The following PRH1 variants were observed in gnomAD, a reference collection of about 807,000 sequenced individuals.
PRH1 encodes salivary acidic proline-rich phosphoprotein 1/2.
PRH1 carries 7 observed loss-of-function variants against 7.9 expected under a neutral mutation model. The ratio of observed to expected loss-of-function variants is 0.89; its 90% CI spans 0.50 to 1.67. PRH1 has a LOEUF of 1.67. Ranked by LOEUF, PRH1 falls within the 40% of genes most tolerant of loss-of-function variation. PRH1 has a pLI of 0.00. For synonymous variants in PRH1, 45 were observed against 80.8 expected (o/e 0.56, Z 2.38); for missense variants, 109 against 223.6 (o/e 0.49, Z 3.27).
chr12:11,129,983 C>T (rs1423394618), intron 1 of PRH1, among the ~76,000 whole-genome samples: 1 of 152,008 alleles, frequency 6.6e-6, no homozygotes, highest in Non-Finnish European at 1.5e-5. Flanking sequence ...ACATCCCAGC[C>T]CTACAAAAAA....
upstream of PRH1, among the ~76,000 whole-genome samples, chr12:10,885,133 G>A (rs1949471563): frequency 6.6e-6 from 1 of 152,042 alleles, no homozygotes; most frequent in African/African-American, 2.4e-5. Flanking sequence ...TATTGTAATT[G>A]TCATCACTGA....
At chr12:11,001,632 G>T (rs1360584841) in intron 1 of PRH1, among the ~76,000 whole-genome samples, 9 of 152,094 alleles carry the variant, frequency 5.9e-5, no homozygotes, top group Non-Finnish European at 4.4e-5. Context: ...CTGCCATCAG[G>T]TTAATGGAGC....
At chr12:10,927,131 C>T (rs1023073066) in intron 2 of PRH1, among the ~76,000 whole-genome samples, 1 of 152,180 alleles carries the variant, frequency 6.6e-6, no homozygotes, top group African/African-American at 2.4e-5. Context: ...ATGGAAGGGA[C>T]CTGAGCTGAG....
intron 1 of PRH1, among the ~76,000 whole-genome samples, chr12:10,980,298 TTCTA>T (rs1466279397): frequency 6.6e-6 from 1 of 152,148 alleles, no homozygotes; most frequent in Non-Finnish European, 1.5e-5. Context: ...TCAATCATAA[TTCTA>T]TCTATGTATT....
At chr12:11,049,217 C>G (rs933026662), upstream of PRH1, 3 of 1,205,980 alleles carry the variant, frequency 2.5e-6, no homozygotes, top group African/African-American at 4.7e-5. Flanking sequence ...AATGCAAACA[C>G]TACCAGAATT....
intron 1 of PRH1, among the ~76,000 whole-genome samples, chr12:11,080,522 T>A (rs1260909596): frequency 9.7e-6 from 1 of 103,170 alleles, no homozygotes; most frequent in Non-Finnish European, 2.3e-5. Flanking sequence ...AACGTTCACA[T>A]TCTCCTCACA....
At chr12:11,156,708 T>A (rs1342463527) in intron 1 of PRH1, among the ~76,000 whole-genome samples, 1 of 152,212 alleles carries the variant, frequency 6.6e-6, no homozygotes, top group Non-Finnish European at 1.5e-5. Context: ...TCTATTTCTG[T>A]AAGTTATTTC....
intron 1 of PRH1, among the ~76,000 whole-genome samples, chr12:11,074,692 G>T (rs1944227483): frequency 8.7e-6 from 1 of 114,566 alleles, no homozygotes; most frequent in Admixed American, 8.7e-5. Context: ...AAAAATGGGG[G>T]TATTGGTTAG....
intron 1 of PRH1, among the ~76,000 whole-genome samples, chr12:10,991,006 A>C (rs759549929): frequency 2.6e-5 from 4 of 152,208 alleles, no homozygotes; most frequent in Non-Finnish European, 5.9e-5. Flanking sequence ...TGTTAGTTCA[A>C]GTTCTTGTTA....
chr12:11,148,578 C>T (rs1228437666), intron 1 of PRH1, among the ~76,000 whole-genome samples: 3 of 145,660 alleles, frequency 2.1e-5, no homozygotes, highest in African/African-American at 7.5e-5. Flanking sequence ...TGTTTATATG[C>T]TGGATTACAT....
chr12:11,102,370 G>A (rs1208559202), intron 1 of PRH1, among the ~76,000 whole-genome samples: 2 of 152,156 alleles, frequency 1.3e-5, no homozygotes, highest in Non-Finnish European at 2.9e-5. Flanking sequence ...ACAGAACAGA[G>A]CCCTCACAAA....
downstream of PRH1, among the ~76,000 whole-genome samples, chr12:11,119,543 C>T (rs1945833017): frequency 6.6e-6 from 1 of 151,920 alleles, no homozygotes; most frequent in Non-Finnish European, 1.5e-5. Flanking sequence ...CAATACAGAC[C>T]TACTATATAT....
At chr12:11,148,336 T>C (rs1434303716) in intron 1 of PRH1, among the ~76,000 whole-genome samples, 13 of 151,484 alleles carry the variant, frequency 8.6e-5, no homozygotes, top group South Asian at 2.1e-4. Flanking sequence ...TGAATAGGAG[T>C]GGTGAGAGAG....
chr12:10,957,396 A>G (rs997180687), intron 2 of PRH1, among the ~76,000 whole-genome samples: 2 of 152,122 alleles, frequency 1.3e-5, no homozygotes, highest in Non-Finnish European at 2.9e-5. Flanking sequence ...TTTCTTATAC[A>G]TACACAAAAC....
rs771210914 is a variant in PRH1, at chr12:11,133,654, C to T, written n.40-12474G>A. On this transcript the variant is annotated intron_variant and non_coding_transcript_variant, in intron 1 of 1. Coordinates refer to the PRH1 transcript ENST00000541175. ...GATGTTTACACAGAGAACAGATTAA[C>T]AGCAGAAAAGATATCAGGGTCAGAG... The T allele has an allele frequency of 1.9e-6, 3 of 1,614,246 alleles. No homozygotes were observed. In the Admixed American group the frequency reaches 5.0e-5, roughly 27 times the overall value.
intron 2 of PRH1, among the ~76,000 whole-genome samples, chr12:10,936,596 C>T (rs1565483119): frequency 2.6e-5 from 4 of 152,128 alleles, no homozygotes; most frequent in East Asian, 3.9e-4. Context: ...TTATCAAACC[C>T]CCAGTTACCA....
At chr12:11,099,782 G>A (rs951447845) in intron 1 of PRH1, among the ~76,000 whole-genome samples, 1 of 152,080 alleles carries the variant, frequency 6.6e-6, no homozygotes, top group Non-Finnish European at 1.5e-5. Flanking sequence ...GTCTTCTCTT[G>A]CAGAAAAACA....
In PRH1 at chr12:10,884,158, A is replaced by G; in HGVS notation, c.60T>C (p.Asn20=). 1 of 1,614,114 alleles carries G rather than the reference A, an allele frequency of 6.2e-7. No individual in the cohort carries two copies. Among genetic ancestry groups the G allele is most frequent in the South Asian group, 1.1e-5 (1 of 91,078 alleles). ...LLAFSSAQDL[N]EDVSQEDVPL... ...TCTTCCCCCAATTCATCTTACCTTCATTTAAATCCTGAGCTGAGCTGAAGG... is the reference window on the plus strand; with the variant it reads ...TCTTCCCCCAATTCATCTTACCTTCGTTTAAATCCTGAGCTGAGCTGAAGG... The change falls in exon 1 of 4, where the codon AAT becomes AAC. Residue 20 remains asparagine (N), a synonymous_variant. Coordinates refer to ENST00000543626, the MANE Select transcript of PRH1 (RefSeq NM_001393989.1).
At chr12:10,945,887 G>A (rs1319013391) in intron 2 of PRH1, among the ~76,000 whole-genome samples, 1 of 152,142 alleles carries the variant, frequency 6.6e-6, no homozygotes, top group Non-Finnish European at 1.5e-5. Context: ...AGAATTCAGT[G>A]ATATTTCTCC....
Sources: gnomAD v4.1 joint callset for allele counts (sites outside exome capture counted in the v4.1 genomes callset) on GRCh38, gnomAD v4.1.1 for gene constraint, MANE v1.5 for transcripts, NCBI Gene and HGNC (gene_info 2026-07-23, HGNC 2026-07-21) for gene names.